VAV3: variants seen among roughly 807,000 people sequenced by gnomAD.
VAV3 encodes guanine nucleotide exchange factor VAV3.
A neutral mutation model predicts 131.2 loss-of-function variants in VAV3; 94 were observed. The ratio of observed to expected loss-of-function variants is 0.72; its 90% CI spans 0.61 to 0.85. VAV3 has a LOEUF of 0.85. Ranked by LOEUF, VAV3 falls within the 40% of genes least tolerant of loss-of-function variation. The probability of loss-of-function intolerance (pLI) is 0.00; values close to 1 mark genes in which losing one functional copy is unlikely to be tolerated. For missense variants in VAV3, 939 were observed against 1,002.7 expected (o/e 0.94, Z 0.86); for synonymous variants, 349 against 342.0 (o/e 1.02, Z -0.22).
intron 20 of VAV3, among the ~76,000 whole-genome samples, chr1:107,623,340 A>G (rs546882301): frequency 5.9e-5 from 9 of 152,320 alleles, no homozygotes; most frequent in South Asian, 2.1e-4. Context: ...TATTTTATCT[A>G]TAATATTGTT....
At chr1:107,912,285 G>C (rs1672408045) in intron 1 of VAV3, among the ~76,000 whole-genome samples, 3 of 152,256 alleles carry the variant, frequency 2.0e-5, no homozygotes, top group South Asian at 4.1e-4. Flanking sequence ...ATGCTTTGTT[G>C]CTTTGTAATT....
intron 19 of VAV3, among the ~76,000 whole-genome samples, chr1:107,642,984 C>A (rs1305502726): frequency 6.6e-6 from 1 of 152,100 alleles, no homozygotes; most frequent in Non-Finnish European, 1.5e-5. Flanking sequence ...GTTTTCCTCT[C>A]CCTTACCATC....
At chr1:107,788,791 A>G (rs374724238) in intron 2 of VAV3, among the ~76,000 whole-genome samples, 1 of 152,358 alleles carries the variant, frequency 6.6e-6, no homozygotes. Flanking sequence ...CACAACCGTA[A>G]AAGAAACACT....
chr1:107,720,384 A>AAAAT (rs35673194), intron 15 of VAV3, among the ~76,000 whole-genome samples: 52,085 of 102,206 alleles, frequency 0.51, 14,433 homozygotes, highest in Non-Finnish European at 0.54. Context: ...CACTGTCTCA[A>AAAAT]AAATAAATAA....
At chr1:107,750,203 C>CT (rs2102062817) in intron 13 of VAV3, among the ~76,000 whole-genome samples, 1 of 152,256 alleles carries the variant, frequency 6.6e-6, no homozygotes, top group Admixed American at 6.5e-5. Context: ...GGAAACTGTG[C>CT]TTTTACCCTC....
chr1:107,832,928 T>C (rs1263407326), intron 2 of VAV3, among the ~76,000 whole-genome samples: 1 of 152,206 alleles, frequency 6.6e-6, no homozygotes, highest in Non-Finnish European at 1.5e-5. Flanking sequence ...TTCTATTTTG[T>C]GTGCTTGGAA....
At chr1:107,819,559 A>G (rs1424151439) in intron 2 of VAV3, among the ~76,000 whole-genome samples, 4 of 152,114 alleles carry the variant, frequency 2.6e-5, no homozygotes, top group Non-Finnish European at 5.9e-5. Context: ...CAAAGTGTTA[A>G]TATCTCTTAA....
chr1:107,885,118 G>C (rs1339720262), intron 1 of VAV3, among the ~76,000 whole-genome samples: 1 of 152,130 alleles, frequency 6.6e-6, no homozygotes, highest in East Asian at 1.9e-4. Flanking sequence ...CACCAGCCAA[G>C]AAAACAGCTC....
intron 15 of VAV3, among the ~76,000 whole-genome samples, chr1:107,720,943 C>T (rs978861400): frequency 6.6e-6 from 1 of 152,120 alleles, no homozygotes; most frequent in Admixed American, 6.6e-5. Context: ...GGATAATTGG[C>T]TATCCTATTC....
intron 15 of VAV3, among the ~76,000 whole-genome samples, chr1:107,726,745 T>C: frequency 6.6e-6 from 1 of 152,208 alleles, no homozygotes; most frequent in East Asian, 1.9e-4. Context: ...ATAATGAAAT[T>C]GATTAAATAG....
intron 2 of VAV3, among the ~76,000 whole-genome samples, chr1:107,812,933 C>A (rs1667387992): frequency 6.6e-6 from 1 of 152,070 alleles, no homozygotes. Context: ...ATCACCCTGG[C>A]TAGCATGGTG....
chr1:107,577,788 C>T (rs192949029), intron 25 of VAV3, among the ~76,000 whole-genome samples: 1 of 152,256 alleles, frequency 6.6e-6, no homozygotes, highest in East Asian at 1.9e-4. Context: ...GCCCTCCAGC[C>T]CTGGAGTATT....
intron 2 of VAV3, among the ~76,000 whole-genome samples, chr1:107,823,170 G>A (rs1289648884): frequency 6.6e-6 from 1 of 152,184 alleles, no homozygotes; most frequent in Admixed American, 6.5e-5. Flanking sequence ...GACTCTTGAA[G>A]ACAGAATCAG....
At chr1:107,657,509 A>T (rs1656659235) in intron 19 of VAV3, among the ~76,000 whole-genome samples, 1 of 152,220 alleles carries the variant, frequency 6.6e-6, no homozygotes, top group Non-Finnish European at 1.5e-5. Context: ...AAGAATTGTT[A>T]TACACAGGAA....
chr1:107,635,174 T>C (rs1296274071), intron 20 of VAV3, among the ~76,000 whole-genome samples: 3 of 152,128 alleles, frequency 2.0e-5, no homozygotes, highest in African/African-American at 7.2e-5. Flanking sequence ...TGCACATGTA[T>C]GTTTATTGCA....
At chr1:107,895,803 ATT>A (rs1191796333) in intron 1 of VAV3, among the ~76,000 whole-genome samples, 1 of 152,188 alleles carries the variant, frequency 6.6e-6, no homozygotes, top group Non-Finnish European at 1.5e-5. Context: ...AATTTTGCAT[ATT>A]TTTACACAAC....
chr1:107,812,763 T>C (rs1667379719), intron 2 of VAV3, among the ~76,000 whole-genome samples: 1 of 152,144 alleles, frequency 6.6e-6, no homozygotes, highest in Non-Finnish European at 1.5e-5. Context: ...CTATGTCATG[T>C]TTTTTTCCCT....
intron 1 of VAV3, among the ~76,000 whole-genome samples, chr1:107,933,858 C>T (rs1304532177): frequency 1.3e-5 from 2 of 149,468 alleles, no homozygotes; most frequent in South Asian, 2.1e-4. Flanking sequence ...TTGAAAATTG[C>T]GATTTTAAAA....
intron 1 of VAV3, among the ~76,000 whole-genome samples, chr1:107,893,643 C>A (rs1355988171): frequency 6.6e-6 from 1 of 152,152 alleles, no homozygotes; most frequent in Non-Finnish European, 1.5e-5. Flanking sequence ...TATTCACTCA[C>A]ATGAGAACAG....
Sources: gnomAD v4.1 joint callset for allele counts (sites outside exome capture counted in the v4.1 genomes callset) on GRCh38, gnomAD v4.1.1 for gene constraint, MANE v1.5 for transcripts, NCBI Gene and HGNC (gene_info 2026-07-23, HGNC 2026-07-21) for gene names.